Variants in NXPE1 observed in about 807,000 individuals in gnomAD.
NXPE1 encodes the protein NXPE family member 1.
A neutral mutation model predicts 33.3 loss-of-function variants in NXPE1; 31 were observed. The observed-to-expected ratio is 0.93, with a 90% confidence interval of 0.70 to 1.26. NXPE1 has a LOEUF of 1.26. Ranked by LOEUF, NXPE1 falls within the 50% of genes most tolerant of loss-of-function variation. NXPE1 has a pLI of 0.00. For synonymous variants in NXPE1, 229 were observed against 231.4 expected, an observed-to-expected ratio of 0.99 and a Z score of 0.09; for missense variants, 661 against 655.6, an observed-to-expected ratio of 1.01 and a Z score of -0.09.
At chr11:114,553,200 A>G (rs1464062113) in intron 1 of NXPE1, among the ~76,000 whole-genome samples, 1 of 152,178 alleles carries the variant, frequency 6.6e-6, no homozygotes, top group African/African-American at 2.4e-5. Context: ...ATAGTCTCGT[A>G]TGCATATCTT....
intron 6 of NXPE1, among the ~76,000 whole-genome samples, 184 bp from the exon 7 acceptor site, chr11:114,528,085 T>C (rs1459319962): frequency 1.3e-5 from 2 of 152,180 alleles, no homozygotes; most frequent in Admixed American, 1.3e-4. Flanking sequence ...CTTTCTACCC[T>C]GCTGAGAGCA....
At chr11:114,519,086 G>C (rs545801278), downstream of NXPE1, among the ~76,000 whole-genome samples, 5 of 152,226 alleles carry the variant, frequency 3.3e-5, no homozygotes, top group South Asian at 1.0e-3. Context: ...GGCATAATGT[G>C]ACCAATTGAC....
At chr11:114,523,296 GC>G (rs1226598507) in intron 7 of NXPE1, among the ~76,000 whole-genome samples, 6 of 151,872 alleles carry the variant, frequency 4.0e-5, no homozygotes, top group African/African-American at 1.5e-4. Flanking sequence ...GAGTCATCTT[GC>G]CTTCTGTCTA....
Position 114,528,028 on chromosome 11 carries a change from A to C in NXPE1, c.834-127T>G. 5 of 615,214 alleles carry C rather than the reference A, an allele frequency of 8.1e-6. No individual in the cohort carries two copies. In the South Asian group the frequency reaches 1.2e-4, roughly 15 times the overall value. The allele number at this position is 615,214 out of a possible 1,614,324, so 38.1% of individuals were successfully genotyped here. A position where few individuals can be genotyped will look rare whatever the true frequency, so the allele number is the denominator to read the frequency against. On this transcript the variant is annotated intron_variant, in intron 6 of 8. Transcript: ENST00000534921. ...ACTGGAAGCTGTTATTATTGTTGTA[A>C]ATTTTAGATATATTGGGTATTGTAA...
chr11:114,537,759 C>A (rs1369780469), intron 5 of NXPE1, among the ~76,000 whole-genome samples: 1 of 151,696 alleles, frequency 6.6e-6, no homozygotes, highest in Non-Finnish European at 1.5e-5. Context: ...GAACTACAAA[C>A]CACTGCTCAA....
At chr11:114,536,256 C>T (rs192401805) in intron 5 of NXPE1, among the ~76,000 whole-genome samples, 19 of 152,194 alleles carry the variant, frequency 1.2e-4, no homozygotes, top group Non-Finnish European at 2.4e-4. Flanking sequence ...CACAACATAC[C>T]AGAATCTCTG....
intron 5 of NXPE1, among the ~76,000 whole-genome samples, chr11:114,541,694 G>A (rs773339156): frequency 3.9e-5 from 6 of 152,068 alleles, no homozygotes; most frequent in Non-Finnish European, 8.8e-5. Context: ...CCAGGCTATA[G>A]GTAAATTTAA....
chr11:114,528,842 G>C, intron 6 of NXPE1: 1 of 675,268 alleles, frequency 1.5e-6, no homozygotes, highest in Non-Finnish European at 2.7e-6. Context: ...CCTGAGAAGA[G>C]AAAGGATCAG....
At chr11:114,536,208 G>A (rs1947815615) in intron 5 of NXPE1, among the ~76,000 whole-genome samples, 1 of 152,186 alleles carries the variant, frequency 6.6e-6, no homozygotes, top group Admixed American at 6.5e-5. Flanking sequence ...AATGAAGGCA[G>A]AAATGAAGAT....
chr11:114,557,918 T>C (rs932703316), intron 1 of NXPE1, among the ~76,000 whole-genome samples: 4 of 151,964 alleles, frequency 2.6e-5, no homozygotes, highest in Admixed American at 6.6e-5. Flanking sequence ...TATTTATTTT[T>C]GTTTTTGGTG....
At chr11:114,543,667 T>C (rs73564282) in intron 5 of NXPE1, among the ~76,000 whole-genome samples, 336 of 152,204 alleles carry the variant, frequency 2.2e-3, no homozygotes, top group African/African-American at 7.9e-3. Context: ...TTCCCCAATA[T>C]TGGAACCAGT....
chr11:114,523,156 G>C (rs931615083), intron 7 of NXPE1, 65 bp from the exon 8 acceptor site: 7 of 1,187,168 alleles, frequency 5.9e-6, no homozygotes, highest in Non-Finnish European at 8.6e-6. Flanking sequence ...CTTCTTTCCT[G>C]GTCTTTCATT....
downstream of NXPE1, among the ~76,000 whole-genome samples, chr11:114,520,565 G>A (rs1947190024): frequency 1.3e-5 from 2 of 152,140 alleles, no homozygotes; most frequent in Admixed American, 1.3e-4. Flanking sequence ...GAATAATGCT[G>A]CAGTGAGCAT....
intron 7 of NXPE1, among the ~76,000 whole-genome samples, chr11:114,525,374 G>GAAA (rs1313037218): frequency 6.6e-6 from 1 of 151,948 alleles, no homozygotes; most frequent in Non-Finnish European, 1.5e-5. Flanking sequence ...TGAAGCAGAA[G>GAAA]ATATAAAAAG....
chr11:114,528,354 G>A (rs1054438318), intron 6 of NXPE1, among the ~76,000 whole-genome samples: 4 of 152,206 alleles, frequency 2.6e-5, no homozygotes, highest in African/African-American at 9.6e-5. Context: ...CTGCACTACT[G>A]CTTACATCCC....
intron 1 of NXPE1, among the ~76,000 whole-genome samples, chr11:114,555,596 A>G (rs972052057): frequency 6.6e-6 from 1 of 152,170 alleles, no homozygotes; most frequent in Non-Finnish European, 1.5e-5. Context: ...ACCCATCACA[A>G]TCAATAAGTA....
In NXPE1 at chr11:114,538,337, C is replaced by T. The variant is rs563911939; in HGVS notation, c.100-7429G>A. 1.6e-4 allele frequency among the ~76,000 whole-genome samples: 24 copies of T among 152,260 alleles called. No homozygotes were observed. In the South Asian group the frequency reaches 5.0e-3, roughly 32 times the overall value. On this transcript the variant is annotated intron_variant, in intron 5 of 8. Transcript: ENST00000534921. ...AAACCATAAAAACCCTAGAAGAAAA[C>T]CTAGGCAGTACCATTCAGGCCATAG...
At chr11:114,544,762 A>G (rs1948216297) in intron 5 of NXPE1, among the ~76,000 whole-genome samples, 1 of 152,186 alleles carries the variant, frequency 6.6e-6, no homozygotes, top group Non-Finnish European at 1.5e-5. Context: ...TGTGAAAGAC[A>G]CTGTTAAGAG....
intron 1 of NXPE1, among the ~76,000 whole-genome samples, chr11:114,555,006 G>C (rs988779467): frequency 1.3e-5 from 2 of 150,476 alleles, no homozygotes; most frequent in South Asian, 2.1e-4. Context: ...TCCCTATCTT[G>C]TTTTCTTGTT....
Sources: gnomAD v4.1 joint callset for allele counts (sites outside exome capture counted in the v4.1 genomes callset) on GRCh38, gnomAD v4.1.1 for gene constraint, MANE v1.5 for transcripts, NCBI Gene and HGNC (gene_info 2026-07-23, HGNC 2026-07-21) for gene names.